PTCHD4: variants seen among roughly 807,000 people sequenced by gnomAD.
PTCHD4 encodes the protein patched domain containing 4, also known as patched domain-containing protein 4.
PTCHD4 carries 33 observed loss-of-function variants against 58.1 expected under a neutral mutation model. The observed-to-expected ratio is 0.57, with a 90% CI of 0.43 to 0.76. PTCHD4 has a LOEUF of 0.76. Among genes scored for constraint, PTCHD4 ranks in the 30% least tolerant of loss-of-function variants. PTCHD4 has a pLI of 0.00. For missense variants in PTCHD4, 1,058 were observed against 1,027.1 expected, an observed-to-expected ratio of 1.03 and a Z score of -0.41; for synonymous variants, 478 against 409.6, an observed-to-expected ratio of 1.17 and a Z score of -2.02.
chr6:47,948,682 T>A (rs532740303), intron 4 of PTCHD4, among the ~76,000 whole-genome samples: 267 of 152,316 alleles, frequency 1.8e-3, no homozygotes, highest in Middle Eastern at 6.8e-3. Flanking sequence ...TTAATCTGAC[T>A]TCCTTCTAAT....
chr6:48,094,599 G>A (rs1004370587), intron 1 of PTCHD4, among the ~76,000 whole-genome samples: 4 of 152,134 alleles, frequency 2.6e-5, no homozygotes, highest in African/African-American at 9.7e-5. Flanking sequence ...AAATACTTGA[G>A]GATAGCTTTT....
chr6:47,966,103 A>C (rs780577725), intron 4 of PTCHD4, among the ~76,000 whole-genome samples: 1 of 152,218 alleles, frequency 6.6e-6, no homozygotes, highest in Non-Finnish European at 1.5e-5. Context: ...TTCAGCATTT[A>C]GAATTTAGTA....
chr6:47,908,231 T>A (rs1288466332), intron 4 of PTCHD4, among the ~76,000 whole-genome samples: 4 of 152,070 alleles, frequency 2.6e-5, no homozygotes, highest in East Asian at 1.9e-4. Context: ...AAAACTAGGA[T>A]CTATAACATG....
intron 4 of PTCHD4, among the ~76,000 whole-genome samples, chr6:47,881,589 C>G (rs1041846090): frequency 1.1e-4 from 17 of 152,160 alleles, no homozygotes; most frequent in Non-Finnish European, 2.1e-4. Flanking sequence ...CAGCTGAATC[C>G]ATTCCTAACC....
intron 4 of PTCHD4, 26 bp from the exon 5 acceptor site, chr6:47,879,962 T>A: frequency 7.0e-7 from 1 of 1,421,956 alleles, no homozygotes; most frequent in Non-Finnish European, 9.3e-7. Context: ...AAGAAAATAA[T>A]AATTATTTTT....
At chr6:47,990,212 AT>A (rs1768228354) in intron 4 of PTCHD4, among the ~76,000 whole-genome samples, 1 of 152,106 alleles carries the variant, frequency 6.6e-6, no homozygotes, top group Non-Finnish European at 1.5e-5. Flanking sequence ...CTTGCTTTTG[AT>A]TTTTCAGGAT....
chr6:48,009,878 A>C (rs1762605588), intron 3 of PTCHD4, among the ~76,000 whole-genome samples: 1 of 152,182 alleles, frequency 6.6e-6, no homozygotes, highest in African/African-American at 2.4e-5. Context: ...ATTCATTTTC[A>C]GAGTTTGACA....
chr6:47,879,381 C>T lies in PTCHD4; in HGVS notation c.1454G>A (p.Gly485Glu), dbSNP rs1473286993. 5.0e-6 allele frequency: 8 copies of T among 1,613,604 alleles called. No individual in the cohort carries two copies. The South Asian group carries it at 7.7e-5, about 16-fold the overall frequency. ...SFMGCLQISD[G>E]ANIINLLASD... ...GGCTAGTAGATTGATGATGTTGGCT[C>T]CGTCACTGATCTGTAAGCACCCCAT... is the stretch of plus-strand genomic sequence containing the variant. Residue 485 changes from glycine to glutamate, a missense_variant, in exon 5 of 5, where the codon GGA (glycine) becomes GAA (glutamate). By Grantham distance (98) the Gly-to-Glu change is moderately conservative (BLOSUM62 -2). Transcript: ENST00000339488.
chr6:48,095,732 C>CAAAAAAAAAAAAAAAAAAAAAAAAAA (rs112185985), intron 1 of PTCHD4, among the ~76,000 whole-genome samples: 1 of 124,978 alleles, frequency 8.0e-6, no homozygotes, highest in Non-Finnish European at 1.7e-5. Context: ...CAAAAGGAAC[C>CAAAAAAAAAAAAAAAAAAAAAAAAAA]AAAAAAAAAA....
chr6:48,044,754 TTGAAA>T (rs1349086583), intron 3 of PTCHD4, among the ~76,000 whole-genome samples: 1 of 151,860 alleles, frequency 6.6e-6, no homozygotes, highest in Non-Finnish European at 1.5e-5. Context: ...TCCTCTTTTA[TTGAAA>T]TGAATAAGAT....
intron 4 of PTCHD4, among the ~76,000 whole-genome samples, chr6:47,992,261 A>G (rs1417421732): frequency 1.3e-5 from 2 of 152,192 alleles, no homozygotes; most frequent in African/African-American, 4.8e-5. Context: ...AAGATGATAT[A>G]ATTGTGTATA....
intron 1 of PTCHD4, among the ~76,000 whole-genome samples, chr6:48,090,162 G>A (rs1765337194): frequency 6.6e-6 from 1 of 152,140 alleles, no homozygotes; most frequent in Non-Finnish European, 1.5e-5. Flanking sequence ...AGTAGGTGAT[G>A]CATTTAGTGT....
At chr6:47,975,093 T>G (rs1012584225) in intron 4 of PTCHD4, among the ~76,000 whole-genome samples, 1 of 152,166 alleles carries the variant, frequency 6.6e-6, no homozygotes, top group African/African-American at 2.4e-5. Flanking sequence ...TCACTGGAAC[T>G]CCTTAAAAAT....
intron 3 of PTCHD4, among the ~76,000 whole-genome samples, chr6:48,013,863 A>G (rs1279841242): frequency 2.0e-5 from 3 of 152,152 alleles, no homozygotes; most frequent in Non-Finnish European, 4.4e-5. Flanking sequence ...TGATTTATTC[A>G]TCTCTTGGGG....
chr6:47,947,829 T>A (rs1223430976), intron 4 of PTCHD4, among the ~76,000 whole-genome samples: 1 of 152,170 alleles, frequency 6.6e-6, no homozygotes. Context: ...AATTCTGGAA[T>A]AGTCTTAGTT....
chr6:47,922,517 A>AACTTGGC (rs1429746574), intron 4 of PTCHD4, among the ~76,000 whole-genome samples: 1 of 152,142 alleles, frequency 6.6e-6, no homozygotes, highest in African/African-American at 2.4e-5. Flanking sequence ...ATCAGTTCAC[A>AACTTGGC]ACTTGGCGAG....
At chr6:47,904,834 G>C (rs752548944) in intron 4 of PTCHD4, among the ~76,000 whole-genome samples, 22 of 152,104 alleles carry the variant, frequency 1.4e-4, no homozygotes, top group Non-Finnish European at 3.2e-4. Context: ...AATTACAAAA[G>C]CTCTAAATGC....
intron 4 of PTCHD4, among the ~76,000 whole-genome samples, chr6:47,937,668 T>C (rs1249677567): frequency 2.0e-5 from 3 of 152,170 alleles, no homozygotes; most frequent in Non-Finnish European, 2.9e-5. Flanking sequence ...AGCATATATT[T>C]GGTATTTAAT....
chr6:48,007,049 G>A (rs1396773523), intron 4 of PTCHD4, among the ~76,000 whole-genome samples: 3 of 152,092 alleles, frequency 2.0e-5, no homozygotes, highest in Non-Finnish European at 2.9e-5. Context: ...GATCAGCCTG[G>A]CCAACACGGT....
Sources: gnomAD v4.1 joint callset for allele counts (sites outside exome capture counted in the v4.1 genomes callset) on GRCh38, gnomAD v4.1.1 for gene constraint, MANE v1.5 for transcripts, NCBI Gene and HGNC (gene_info 2026-07-23, HGNC 2026-07-21) for gene names.